The following ATG16L2 variants were observed in gnomAD, a reference collection of about 807,000 sequenced individuals.
ATG16L2 encodes autophagy related 16 like 2.
Under a neutral mutation model 84.7 loss-of-function variants are expected in ATG16L2, and 77 were observed. The observed-to-expected ratio is 0.91, with a 90% CI of 0.76 to 1.10. The LOEUF (loss-of-function observed/expected upper bound fraction) is 1.10, where lower values mean the gene tolerates loss of function less well. Among genes scored for constraint, ATG16L2 ranks in the 50% least tolerant of loss-of-function variants. The pLI, the probability that ATG16L2 is intolerant of heterozygous loss-of-function variation, is 0.00. For synonymous variants in ATG16L2, 361 were observed against 342.8 expected (o/e 1.05, Z -0.59); for missense variants, 782 against 817.6 (o/e 0.96, Z 0.53).
At position 72,826,209 on chromosome 11, in the gene ATG16L2, G is replaced by A. The variant is rs1202895402; in HGVS notation, c.1139G>A (p.Gly380Asp). 1 of 1,613,882 alleles carries A rather than the reference G, an allele frequency of 6.2e-7. No individual in the cohort carries two copies. The highest frequency in any genetic ancestry group is 1.3e-5 in the African/African-American group (1 of 74,918). The change falls in exon 11 of 18, where the codon GGT becomes GAT. Residue 380 changes from glycine (G) to aspartate (D), a missense_variant. By Grantham distance (94) the Gly-to-Asp change is moderately conservative. Transcript: ENST00000321297. ...LEANQTLEGA[G>D]GSITSVDFDP... ...GCCAACCAGACCCTGGAGGGAGCTG[G>A]TGGCAGCATCACCAGTGTGGACTTT...
At position 72,822,691 on chromosome 11, in the gene ATG16L2, C is replaced by A; in HGVS notation, c.710+148C>A. 3 of 1,158,166 alleles carry A rather than the reference C, an allele frequency of 2.6e-6. No individual in the cohort carries two copies. The highest frequency in any genetic ancestry group is 1.5e-5 in the South Asian group (1 of 68,672). The allele number at this position is 1,158,166 out of a possible 1,614,324, so 71.7% of individuals were successfully genotyped here. A position where few individuals can be genotyped will look rare whatever the true frequency, so the allele number is the denominator to read the frequency against. On this transcript the variant is annotated intron_variant, in intron 6 of 17. Transcript: ENST00000321297. This position sits in a 1 kb window ranked among gnomAD's most constrained non-coding sequence, Gnocchi z 4.2. ...AGCCCACGAGACACCTGCAGAGGAC[C>A]GTGTGGTCGTAGGAGCCTGCATGCG...
In ATG16L2 at chr11:72,827,027, T is replaced by C. The variant is rs551505114; in HGVS notation, c.1367-161T>C. 322 of 839,210 alleles carry C rather than the reference T, an allele frequency of 3.8e-4. 3 individuals carry two copies. In the African/African-American group the frequency reaches 5.1e-3, roughly 13 times the overall value. 52.0% of individuals were successfully genotyped at this position (839,210 alleles called of 1,614,324 possible). On this transcript the variant is annotated intron_variant, in intron 13 of 17. Transcript: ENST00000321297. ...TTTCTTGGTGACCTCAGGCTGTGGGTAGGAAAAAGACGTGGGTGAGCCCTG... is the reference window on the plus strand; with the variant it reads ...TTTCTTGGTGACCTCAGGCTGTGGGCAGGAAAAAGACGTGGGTGAGCCCTG...
chr11:72,834,971 T>C (rs1267988657), intron 5 of ATG16L2, among the ~76,000 whole-genome samples: 2 of 152,216 alleles, frequency 1.3e-5, no homozygotes, highest in Admixed American at 1.3e-4. Flanking sequence ...GGCCAGATGA[T>C]GCCCTCCCAC....
At chr11:72,823,031 C>T in intron 7 of ATG16L2, 70 bp downstream of exon 7, 1 of 1,103,568 alleles carries the variant, frequency 9.1e-7, no homozygotes, top group Non-Finnish European at 1.3e-6. Flanking sequence ...GGGTCTTCCT[C>T]TTGGACCTTG....
At chr11:72,823,454 T>A (rs994381443) in intron 7 of ATG16L2, 1 of 356,922 alleles carries the variant, frequency 2.8e-6, no homozygotes, top group East Asian at 7.5e-5. Context: ...TGGGTGCCTG[T>A]CCGCAGGGTC....
In ATG16L2 at chr11:72,822,896, GGCTCTGGCCCCTGA is replaced by G; in HGVS notation, c.762_775del (p.Leu255ArgfsTer9). 1.3e-6 allele frequency: 2 copies of G among 1,578,910 alleles called. No individual in the cohort carries two copies. The highest frequency in any genetic ancestry group is 1.7e-6 in the Non-Finnish European group (2 of 1,161,934). On this transcript the variant is annotated frameshift_variant, in exon 7 of 18. Transcript: ENST00000321297. LOFTEE classifies it high-confidence loss of function. The surrounding 1 kb of genome is among the most constrained non-coding windows in gnomAD (Gnocchi z 4.2). ...GGATGAGGGAGAGAAGGGAGACTCT[GGCTCTGGCCCCTGA>G]GCCAGAGCCCCTGGAGAAGGAAGCT...
At chr11:72,828,250 G>A (rs1040014813) in intron 14 of ATG16L2, 109 bp from the exon 15 acceptor site, 3 of 1,294,074 alleles carry the variant, frequency 2.3e-6, no homozygotes, top group African/African-American at 1.5e-5. Context: ...AGGGCCCTGG[G>A]GTTCCTCCGG....
At chr11:72,843,604 A>T (rs1285756903) in exon 6 of ATG16L2, 2 of 919,636 alleles carry the variant, frequency 2.2e-6, no homozygotes, top group Non-Finnish European at 3.5e-6. Flanking sequence ...GATCATGACA[A>T]AAACTGGGGA....
At chr11:72,826,105 A>G in intron 10 of ATG16L2, 68 bp from the exon 11 acceptor site, 2 of 1,347,886 alleles carry the variant, frequency 1.5e-6, no homozygotes, top group Non-Finnish European at 2.1e-6. Flanking sequence ...TTCCGCTCTC[A>G]ATCCCAATTC....
chr11:72,824,759 A>T lies in ATG16L2; in HGVS notation c.913A>T (p.Ile305Phe), dbSNP rs536115700. 2.0e-4 allele frequency: 316 copies of T among 1,613,778 alleles called. 4 individuals carry two copies. In the South Asian group the frequency reaches 3.3e-3, roughly 17 times the overall value. ...LDFKKRRGHS[I>F]GGAPEQRYQI... is the part of the protein sequence containing the mutation. ...TTTTAAGAAGAGGAGAGGTCACTCA[A>T]TTGGGGGAGCCCCTGAGCAGCGATA... The change falls in exon 9 of 18, where the codon ATT (isoleucine) becomes TTT (phenylalanine). Residue 305 changes from isoleucine to phenylalanine, a missense_variant. Coordinates refer to ENST00000321297, the MANE Select transcript of ATG16L2 (RefSeq NM_033388.2).
chr11:72,842,196 T>C (rs1860977618), intron 5 of ATG16L2, among the ~76,000 whole-genome samples: 1 of 152,182 alleles, frequency 6.6e-6, no homozygotes, highest in Non-Finnish European at 1.5e-5. Flanking sequence ...GGCTCATTAA[T>C]TCTCTGAAAT....
exon 6 of ATG16L2, chr11:72,843,469 C>G: frequency 6.2e-7 from 1 of 1,613,534 alleles, no homozygotes; most frequent in Non-Finnish European, 8.5e-7. Flanking sequence ...TCTTCCATAT[C>G]TCCATCTTCA....
At chr11:72,817,632 C>A in intron 2 of ATG16L2, 124 bp from the exon 3 acceptor site, 2 of 886,628 alleles carry the variant, frequency 2.3e-6, no homozygotes, top group Non-Finnish European at 3.6e-6. Context: ...GGCTTGCTGG[C>A]TTCCATCTTC....
At chr11:72,838,510 G>A in intron 5 of ATG16L2, 1 of 480,528 alleles carries the variant, frequency 2.1e-6, no homozygotes, top group Non-Finnish European at 3.8e-6. Context: ...TATAAAAACA[G>A]ACCACTGTTA....
At chr11:72,833,369 ATCC>A (rs1003647714), downstream of ATG16L2, among the ~76,000 whole-genome samples, 1 of 152,136 alleles carries the variant, frequency 6.6e-6, no homozygotes, top group Non-Finnish European at 1.5e-5. Context: ...ACCCTATTTC[ATCC>A]TCCTGGATCT....
chr11:72,837,377 G>GT (rs1004219717), intron 5 of ATG16L2: 1 of 150,070 alleles, frequency 6.7e-6, no homozygotes, highest in Non-Finnish European at 1.5e-5. Context: ...AGCATTTCAA[G>GT]TTTTTTAAGA....
chr11:72,822,272 C>A lies in ATG16L2; in HGVS notation c.621C>A (p.Asn207Lys). 3.3e-6 allele frequency: 5 copies of A among 1,507,182 alleles called. No homozygotes were observed. The highest frequency in any genetic ancestry group is 4.4e-6 in the Non-Finnish European group (5 of 1,137,516). The allele number at this position is 1,507,182 out of a possible 1,614,324, so 93.4% of individuals were successfully genotyped here. A position where few individuals can be genotyped will look rare whatever the true frequency, so the allele number is the denominator to read the frequency against. Reference sequence around the variant, plus strand: ...AGGCGCGCGCCGCGGCCGAGCGCAACCTGCGCAACGAGCGCCGGGAGCGGT... The same window carrying A: ...AGGCGCGCGCCGCGGCCGAGCGCAAACTGCGCAACGAGCGCCGGGAGCGGT... The part of the protein sequence containing the change: ...QRKARAAAER[N>K]LRNERRERAK... The change falls in exon 5 of 18, where the codon AAC (asparagine) becomes AAA (lysine). Residue 207 changes from asparagine to lysine, a missense_variant. By Grantham distance (94) the Asn-to-Lys change is moderately conservative. Transcript: ENST00000321297. This position sits in a 1 kb window ranked among gnomAD's most constrained non-coding sequence, Gnocchi z 4.2.
At chr11:72,831,805 T>C (rs1380291252), downstream of ATG16L2, among the ~76,000 whole-genome samples, 4 of 152,222 alleles carry the variant, frequency 2.6e-5, no homozygotes, top group Non-Finnish European at 5.9e-5. Context: ...CATTGCCATG[T>C]AGCTACCATG....
At chr11:72,824,617 C>T in intron 8 of ATG16L2, 117 bp from the exon 9 acceptor site, 1 of 776,134 alleles carries the variant, frequency 1.3e-6, no homozygotes, top group Non-Finnish European at 2.3e-6. Flanking sequence ...TCCTTGGGGC[C>T]ATGTTCTGCC....
Sources: gnomAD v4.1 joint callset for allele counts (sites outside exome capture counted in the v4.1 genomes callset) on GRCh38, gnomAD v4.1.1 for gene constraint, Gnocchi (gnomAD v3.1) non-coding constraint, MANE v1.5 for transcripts, NCBI Gene and HGNC (gene_info 2026-07-23, HGNC 2026-07-21) for gene names.